Variants in SAMD5 observed in about 807,000 individuals in gnomAD.
The protein encoded by SAMD5 is sterile alpha motif domain containing 5, also known as sterile alpha motif domain-containing protein 5.
A neutral mutation model predicts 11.3 loss-of-function variants in SAMD5; 13 were observed. That is an observed-to-expected ratio of 1.15 (90% CI 0.75 to 1.83). SAMD5 has a LOEUF of 1.83. Ranked by LOEUF, SAMD5 falls within the 40% of genes most tolerant of loss-of-function variation. The probability of loss-of-function intolerance (pLI) is 0.00; values close to 1 mark genes in which losing one functional copy is unlikely to be tolerated. For missense variants in SAMD5, 255 were observed against 239.1 expected (o/e 1.07, Z -0.44); for synonymous variants, 129 against 111.3 (o/e 1.16, Z -1.00).
chr6:147,932,420 T>C, the SAMD5 span, among the ~76,000 whole-genome samples: 5 of 152,122 alleles, frequency 3.3e-5, no homozygotes, highest in African/African-American at 4.8e-5. Context: ...CAAAGTGGTG[T>C]GCAGTTACGT....
At chr6:147,733,578 G>A (rs1791751130) in intron 1 of SAMD5, among the ~76,000 whole-genome samples, 1 of 152,130 alleles carries the variant, frequency 6.6e-6, no homozygotes, top group African/African-American at 2.4e-5. Flanking sequence ...AGTCTCAGGA[G>A]TGAAAAGTCA....
At chr6:147,854,975 T>G in the SAMD5 span, among the ~76,000 whole-genome samples, 2 of 152,188 alleles carry the variant, frequency 1.3e-5, no homozygotes, top group Non-Finnish European at 2.9e-5. Context: ...AGTTTTGTAC[T>G]AATGCTGTGA....
intron 1 of SAMD5, among the ~76,000 whole-genome samples, chr6:147,538,463 G>C (rs1464995988): frequency 6.6e-6 from 1 of 152,126 alleles, no homozygotes; most frequent in Non-Finnish European, 1.5e-5. Context: ...TGTTTCTCCA[G>C]TTGTCTTAAT....
At chr6:147,846,296 T>C in the SAMD5 span, among the ~76,000 whole-genome samples, 5 of 152,200 alleles carry the variant, frequency 3.3e-5, no homozygotes, top group Non-Finnish European at 5.9e-5. Flanking sequence ...GTGTCTTGAC[T>C]GTAGTAGTCA....
chr6:147,515,440 CCA>C (rs1191173909), intron 1 of SAMD5, among the ~76,000 whole-genome samples: 1 of 137,658 alleles, frequency 7.3e-6, no homozygotes, highest in Non-Finnish European at 1.5e-5. Context: ...AACCATCCAT[CCA>C]TCCATCCATC....
chr6:147,770,586 A>G, the SAMD5 span, among the ~76,000 whole-genome samples: 1 of 152,320 alleles, frequency 6.6e-6, no homozygotes, highest in Non-Finnish European at 1.5e-5. Flanking sequence ...TTGAAATACA[A>G]CTAACTGAGT....
At chr6:147,830,034 C>G in the SAMD5 span, among the ~76,000 whole-genome samples, 2 of 151,910 alleles carry the variant, frequency 1.3e-5, no homozygotes, top group Non-Finnish European at 2.9e-5. Context: ...AATGCTCACT[C>G]CAGATGTTGG....
the SAMD5 span, among the ~76,000 whole-genome samples, chr6:147,798,447 C>T: frequency 6.8e-6 from 1 of 147,900 alleles, no homozygotes. Flanking sequence ...TTGTTATGAT[C>T]TCTGTTCTTT....
the SAMD5 span, among the ~76,000 whole-genome samples, chr6:147,920,940 C>T: frequency 6.6e-6 from 1 of 152,164 alleles, no homozygotes. Flanking sequence ...GTGTTTTCAC[C>T]TCTGTTACAA....
At chr6:147,628,206 G>C (rs1190029308) in intron 1 of SAMD5, among the ~76,000 whole-genome samples, 1 of 152,148 alleles carries the variant, frequency 6.6e-6, no homozygotes, top group East Asian at 1.9e-4. Flanking sequence ...AGAACTTCTA[G>C]TTCCTTTAAG....
intron 1 of SAMD5, among the ~76,000 whole-genome samples, chr6:147,726,499 T>C (rs1222291581): frequency 1.3e-5 from 2 of 152,244 alleles, no homozygotes; most frequent in Non-Finnish European, 2.9e-5. Context: ...AGAGGCAGTC[T>C]GTATGCCAGG....
chr6:147,542,307 AG>A (rs1788618446), intron 1 of SAMD5, among the ~76,000 whole-genome samples: 3 of 152,180 alleles, frequency 2.0e-5, no homozygotes, highest in Non-Finnish European at 4.4e-5. Context: ...GGTAGCCACA[AG>A]GACAATCCCG....
chr6:147,517,212 C>T (rs1180357691), intron 1 of SAMD5, among the ~76,000 whole-genome samples: 2 of 152,176 alleles, frequency 1.3e-5, no homozygotes, highest in East Asian at 1.9e-4. Flanking sequence ...AATCAAGGCC[C>T]CTGCTGGCTA....
chr6:147,510,408 A>C (rs776751763), intron 1 of SAMD5, among the ~76,000 whole-genome samples: 4 of 152,238 alleles, frequency 2.6e-5, no homozygotes, highest in African/African-American at 4.8e-5. Context: ...TCAGGATTGC[A>C]GAAGGTGCAC....
chr6:147,861,227 C>T, the SAMD5 span, among the ~76,000 whole-genome samples: 3 of 151,834 alleles, frequency 2.0e-5, no homozygotes, highest in East Asian at 1.9e-4. Context: ...TGCAATGGCG[C>T]GATCTTGGTT....
At chr6:147,617,577 G>A (rs1583108535) in intron 1 of SAMD5, among the ~76,000 whole-genome samples, 1 of 152,232 alleles carries the variant, frequency 6.6e-6, no homozygotes, top group Non-Finnish European at 1.5e-5. Flanking sequence ...CTACATGGCA[G>A]TATCTATTCT....
chr6:147,607,609 C>A (rs1789722853), intron 1 of SAMD5, among the ~76,000 whole-genome samples: 1 of 152,130 alleles, frequency 6.6e-6, no homozygotes, highest in Admixed American at 6.6e-5. Flanking sequence ...TGAAACTAGA[C>A]CCCTGTCTCT....
chr6:147,948,191 T>A, the SAMD5 span, among the ~76,000 whole-genome samples: 1 of 152,252 alleles, frequency 6.6e-6, no homozygotes, highest in African/African-American at 2.4e-5. Flanking sequence ...AGTTGCTGTT[T>A]TTCTAGATAT....
At chr6:147,823,575 A>C in the SAMD5 span, among the ~76,000 whole-genome samples, 1 of 152,222 alleles carries the variant, frequency 6.6e-6, no homozygotes, top group Non-Finnish European at 1.5e-5. Context: ...ATCTATACCT[A>C]TGTAACAAAC....
Sources: allele counts gnomAD v4.1 joint callset (sites outside exome capture counted in the v4.1 genomes callset), GRCh38; gene constraint gnomAD v4.1.1; transcripts MANE v1.5; gene names NCBI Gene and HGNC (gene_info 2026-07-23, HGNC 2026-07-21).